The following GPC5 variants were observed in gnomAD, a reference collection of about 807,000 sequenced individuals.
GPC5 encodes the protein glypican-5.
A neutral mutation model predicts 53.9 loss-of-function variants in GPC5; 47 were observed. That is an observed-to-expected ratio of 0.87 (90% CI 0.69 to 1.11). The LOEUF (loss-of-function observed/expected upper bound fraction) is 1.11. GPC5 is among the 50% of genes most tolerant of loss of function. The pLI is 0.00. For synonymous variants in GPC5, 286 were observed against 263.3 expected (o/e 1.09, Z -0.84); for missense variants, 748 against 713.1 (o/e 1.05, Z -0.56).
chr13:91,646,869 T>A (rs902430098), intron 2 of GPC5, among the ~76,000 whole-genome samples: 20 of 152,174 alleles, frequency 1.3e-4, no homozygotes, highest in African/African-American at 4.8e-4. Context: ...GGTGGATGTA[T>A]GTAAAAGTGG....
At chr13:92,786,987 T>C (rs1876260327) in intron 7 of GPC5, among the ~76,000 whole-genome samples, 1 of 152,158 alleles carries the variant, frequency 6.6e-6, no homozygotes, top group Non-Finnish European at 1.5e-5. Context: ...CCAAAATATA[T>C]GCAAAGAAAA....
chr13:92,385,337 C>CAT (rs1293534012), intron 7 of GPC5, among the ~76,000 whole-genome samples: 4 of 115,802 alleles, frequency 3.5e-5, no homozygotes, highest in Admixed American at 3.0e-4. Flanking sequence ...TACATATATA[C>CAT]ATATATATAC....
intron 2 of GPC5, among the ~76,000 whole-genome samples, chr13:91,497,233 C>G (rs1314706947): frequency 6.6e-6 from 1 of 151,960 alleles, no homozygotes; most frequent in Non-Finnish European, 1.5e-5. Flanking sequence ...TCCAAACAAA[C>G]TTGATTTAAA....
chr13:91,745,126 G>A (rs2037019751), intron 4 of GPC5, among the ~76,000 whole-genome samples: 1 of 151,948 alleles, frequency 6.6e-6, no homozygotes, highest in Middle Eastern at 3.4e-3. Flanking sequence ...GGAGAACAGA[G>A]GTAGTGTTTT....
intron 6 of GPC5, among the ~76,000 whole-genome samples, chr13:92,080,967 C>T (rs1254401255): frequency 6.6e-6 from 1 of 152,182 alleles, no homozygotes; most frequent in Non-Finnish European, 1.5e-5. Context: ...CATCTCTGCC[C>T]TTGACTGTGC....
intron 6 of GPC5, among the ~76,000 whole-genome samples, chr13:91,988,058 A>T (rs2040425091): frequency 6.8e-6 from 1 of 147,742 alleles, no homozygotes; most frequent in Non-Finnish European, 1.5e-5. Context: ...TATATGAGGA[A>T]TACTATATAT....
Position 91,516,514 on chromosome 13 carries a change from T to C in GPC5, c.325+67592T>C, listed in dbSNP as rs533549652. ...TCTTGGACAGCCCCACTCCTGTGGC[T>C]TTGCAGGGTACAGCCTCTCTCCTGG... On this transcript the variant is annotated intron_variant, in intron 2 of 7. Coordinates refer to ENST00000377067, the MANE Select transcript of GPC5 (RefSeq NM_004466.6). Among the ~76,000 whole-genome samples the C allele has an allele frequency of 7.4e-4, 113 of 152,292 alleles. 1 individual carries two copies. The highest frequency in any genetic ancestry group is 2.6e-3 in the African/African-American group (109 of 41,564).
chr13:92,312,041 C>G (rs746451900), intron 7 of GPC5, among the ~76,000 whole-genome samples: 16 of 152,086 alleles, frequency 1.1e-4, no homozygotes, highest in African/African-American at 1.2e-4. Flanking sequence ...ATAGGAACAA[C>G]AAATCTTGCT....
intron 2 of GPC5, among the ~76,000 whole-genome samples, chr13:91,633,585 T>C (rs1221809333): frequency 3.9e-5 from 6 of 152,166 alleles, no homozygotes; most frequent in Non-Finnish European, 8.8e-5. Flanking sequence ...ACAACTCAGG[T>C]TGGAGTTTCT....
In GPC5 at chr13:92,671,161, G is replaced by A. The variant is rs77119576; in HGVS notation, c.1562-195121G>A. ...AGAGCTTCCCTAGTCACTATTTTCT[G>A]TCCTGTGCATGTGACATAAAACTCT... On this transcript the variant is annotated intron_variant, in intron 7 of 7. Coordinates refer to ENST00000377067, the MANE Select transcript of GPC5 (RefSeq NM_004466.6). 3.9e-4 allele frequency among the ~76,000 whole-genome samples: 60 copies of A among 152,176 alleles called. No homozygotes were observed. In the East Asian group the frequency reaches 0.011, roughly 28 times the overall value.
intron 7 of GPC5, among the ~76,000 whole-genome samples, chr13:92,340,205 T>C (rs2043354814): frequency 6.6e-6 from 1 of 152,036 alleles, no homozygotes; most frequent in Non-Finnish European, 1.5e-5. Flanking sequence ...TGTATGAAAA[T>C]GGTAATTATG....
At chr13:92,812,221 G>C (rs1226076997) in intron 7 of GPC5, among the ~76,000 whole-genome samples, 1 of 151,880 alleles carries the variant, frequency 6.6e-6, no homozygotes, top group Non-Finnish European at 1.5e-5. Flanking sequence ...AGGAGCACAA[G>C]TTTTCTTTTA....
At chr13:92,623,642 T>C (rs1179510138) in intron 7 of GPC5, among the ~76,000 whole-genome samples, 2 of 152,184 alleles carry the variant, frequency 1.3e-5, no homozygotes, top group Non-Finnish European at 2.9e-5. Context: ...GTTGTTTTTC[T>C]TTAGTAAGGA....
intron 7 of GPC5, among the ~76,000 whole-genome samples, chr13:92,701,005 T>A (rs2139249585): frequency 6.6e-6 from 1 of 152,172 alleles, no homozygotes; most frequent in African/African-American, 2.4e-5. Flanking sequence ...TGTAATATTC[T>A]TCCCAATTCT....
chr13:91,736,673 G>A (rs1042529384), intron 4 of GPC5, among the ~76,000 whole-genome samples: 2 of 151,280 alleles, frequency 1.3e-5, no homozygotes, highest in Non-Finnish European at 2.9e-5. Flanking sequence ...TCATACAAAA[G>A]GGAAGTAAAA....
Position 91,432,594 on chromosome 13 carries a change from C to T in GPC5, c.164-16167C>T, listed in dbSNP as rs559887725. On this transcript the variant is annotated intron_variant, in intron 1 of 7. Transcript: ENST00000377067. ...TTATTTGTCTGAATTTGTCGGTTGC[C>T]AAGTGTTACTTATTTTTATTGAATC... is the stretch of plus-strand genomic sequence containing the variant. Among the ~76,000 whole-genome samples, 170 of 152,112 alleles carry T rather than the reference C, an allele frequency of 1.1e-3. 1 individual carries two copies. The highest frequency in any genetic ancestry group is 1.2e-3 in the Admixed American group (19 of 15,252).
intron 2 of GPC5, among the ~76,000 whole-genome samples, chr13:91,656,744 G>A (rs186488468): frequency 6.6e-6 from 1 of 152,240 alleles, no homozygotes; most frequent in East Asian, 1.9e-4. Flanking sequence ...CTTCTTTGAA[G>A]TATTAATTTT....
chr13:91,554,252 C>T (rs1029209938), intron 2 of GPC5, among the ~76,000 whole-genome samples: 5 of 152,008 alleles, frequency 3.3e-5, no homozygotes, highest in Admixed American at 6.6e-5. Flanking sequence ...CACATAGACA[C>T]ACACACACCC....
intron 2 of GPC5, among the ~76,000 whole-genome samples, chr13:91,591,909 C>G (rs925930168): frequency 1.3e-5 from 2 of 152,180 alleles, no homozygotes; most frequent in Non-Finnish European, 2.9e-5. Context: ...GCTTCCTTGC[C>G]ATTCAGATTC....
Sources: allele counts gnomAD v4.1 joint callset (sites outside exome capture counted in the v4.1 genomes callset), GRCh38; gene constraint gnomAD v4.1.1; transcripts MANE v1.5; gene names NCBI Gene and HGNC (gene_info 2026-07-23, HGNC 2026-07-21).